Variants in NRXN3 observed in about 807,000 individuals in gnomAD.
NRXN3 encodes neurexin 3, also known as neurexin III.
In NRXN3, 32 loss-of-function variants were observed where a neutral mutation model predicts 137.6. The observed-to-expected ratio is 0.23, with a 90% CI of 0.18 to 0.31. The LOEUF is 0.31. Among genes scored for constraint, NRXN3 ranks in the 10% least tolerant of loss-of-function variants. The probability of loss-of-function intolerance (pLI) is 1.00; values close to 1 mark genes in which losing one functional copy is unlikely to be tolerated. For synonymous variants in NRXN3, 798 were observed against 784.5 expected, an observed-to-expected ratio of 1.02 and a Z score of -0.29; for missense variants, 1,574 against 2,062.5, an observed-to-expected ratio of 0.76 and a Z score of 4.59.
intron 4 of NRXN3, among the ~76,000 whole-genome samples, chr14:78,322,283 A>G (rs984836716): frequency 2.0e-5 from 3 of 151,998 alleles, no homozygotes; most frequent in Non-Finnish European, 4.4e-5. Context: ...AAAAGGGGCA[A>G]AGTGTACTAG....
intron 15 of NRXN3, among the ~76,000 whole-genome samples, chr14:79,186,378 A>G (rs962651731): frequency 1.3e-5 from 2 of 152,166 alleles, no homozygotes; most frequent in African/African-American, 4.8e-5. Context: ...TGTATATCCA[A>G]CGTGGCTAAC....
chr14:79,722,694 C>T (rs933346747), intron 19 of NRXN3, among the ~76,000 whole-genome samples: 17 of 152,158 alleles, frequency 1.1e-4, no homozygotes, highest in African/African-American at 4.1e-4. Flanking sequence ...CATTATCCTG[C>T]TATTAATTCT....
At position 79,220,927 on chromosome 14, in the gene NRXN3, C is replaced by T. The variant is rs542880797; in HGVS notation, c.3262+232786C>T. ...CTAGCCCCCATTCCCCAACAGGCCC[C>T]GGTGTGTGATGTTCCCCTCCCTGTG... On this transcript the variant is annotated intron_variant, in intron 15 of 20. Transcript: ENST00000335750. Among the ~76,000 whole-genome samples, 31 of 151,888 alleles carry T rather than the reference C, an allele frequency of 2.0e-4. No individual in the cohort carries two copies. In the East Asian group the frequency reaches 4.5e-3, roughly 22 times the overall value.
intron 4 of NRXN3, among the ~76,000 whole-genome samples, chr14:78,447,348 G>A (rs573215081): frequency 6.6e-6 from 1 of 152,326 alleles, no homozygotes; most frequent in East Asian, 1.9e-4. Flanking sequence ...CATTTTGACT[G>A]TATCGTTTTA....
intron 4 of NRXN3, among the ~76,000 whole-genome samples, chr14:78,329,324 A>G (rs2153567968): frequency 6.6e-6 from 1 of 152,244 alleles, no homozygotes; most frequent in East Asian, 1.9e-4. Context: ...CGAGGGCTTG[A>G]GGGGGAAGCT....
intron 19 of NRXN3, among the ~76,000 whole-genome samples, chr14:79,769,427 A>C (rs574540675): frequency 2.0e-5 from 3 of 152,166 alleles, no homozygotes; most frequent in Non-Finnish European, 2.9e-5. Flanking sequence ...CAGATCTCTC[A>C]GCAGAAACTC....
At chr14:78,717,544 T>A (rs1325567538) in intron 8 of NRXN3, among the ~76,000 whole-genome samples, 1 of 151,854 alleles carries the variant, frequency 6.6e-6, no homozygotes, top group Non-Finnish European at 1.5e-5. Context: ...AATGAATCAG[T>A]GGAGTGTAAA....
At chr14:79,300,759 C>T (rs937839348) in intron 15 of NRXN3, among the ~76,000 whole-genome samples, 6 of 152,000 alleles carry the variant, frequency 3.9e-5, no homozygotes, top group African/African-American at 1.2e-4. Flanking sequence ...AAATAGGTGA[C>T]GTGTCTTAGT....
intron 15 of NRXN3, among the ~76,000 whole-genome samples, chr14:79,327,318 C>G (rs1261523699): frequency 6.6e-6 from 1 of 152,124 alleles, no homozygotes; most frequent in African/African-American, 2.4e-5. Context: ...CTTGTAACCC[C>G]CTATAGATTC....
chr14:78,723,439 C>A (rs924814730), intron 8 of NRXN3, among the ~76,000 whole-genome samples: 6 of 152,198 alleles, frequency 3.9e-5, no homozygotes, highest in Non-Finnish European at 8.8e-5. Flanking sequence ...GCCATGGAAG[C>A]CTTTTGCTTC....
intron 4 of NRXN3, among the ~76,000 whole-genome samples, chr14:78,505,625 A>G (rs2095972923): frequency 6.6e-6 from 1 of 152,198 alleles, no homozygotes; most frequent in South Asian, 2.1e-4. Flanking sequence ...TATACGTGTC[A>G]AAAGATCACA....
intron 1 of NRXN3, among the ~76,000 whole-genome samples, chr14:78,203,470 A>G (rs942128950): frequency 6.6e-6 from 1 of 152,116 alleles, no homozygotes; most frequent in Admixed American, 6.5e-5. Flanking sequence ...CTCAGTTTCA[A>G]AACTGGGTGG....
intron 8 of NRXN3, among the ~76,000 whole-genome samples, chr14:78,735,082 T>C (rs1389003482): frequency 2.6e-5 from 4 of 152,112 alleles, no homozygotes; most frequent in South Asian, 2.1e-4. Context: ...GTGGACTAAA[T>C]TTGGACTAGG....
Position 79,240,413 on chromosome 14 carries a change from C to A in NRXN3, c.3263-226808C>A, listed in dbSNP as rs141699174. 3.5e-4 allele frequency among the ~76,000 whole-genome samples: 53 copies of A among 152,240 alleles called. No individual in the cohort carries two copies. The East Asian group carries it at 8.7e-3, about 25-fold the overall frequency. On this transcript the variant is annotated intron_variant, in intron 15 of 20. Transcript: ENST00000335750. ...TCGCTCACTAATTCACCCTGGAATA[C>A]TCTTATGTTAGTTTCCCTTATGGTC...
Position 78,173,374 on chromosome 14 carries a change from C to A in NRXN3, c.-704+2700C>A, listed in dbSNP as rs213562. Among the ~76,000 whole-genome samples, 245 of 152,078 alleles carry A rather than the reference C, an allele frequency of 1.6e-3. 3 individuals are homozygous for A. The highest frequency in any genetic ancestry group is 3.4e-3 in the Middle Eastern group (1 of 294). ...TCGTAATTAGCCCACTGCTGCAAAA[C>A]TGAGATACAGAAATCCATCGGCACC... On this transcript the variant is annotated intron_variant, in intron 1 of 20. Transcript: ENST00000335750.
At chr14:78,268,639 G>C (rs575912259) in intron 2 of NRXN3, among the ~76,000 whole-genome samples, 1 of 152,304 alleles carries the variant, frequency 6.6e-6, no homozygotes, top group East Asian at 1.9e-4. Flanking sequence ...CGAGTTTGGA[G>C]TCAGAGAAAT....
chr14:78,995,392 G>A (rs1293755394), intron 15 of NRXN3, among the ~76,000 whole-genome samples: 4 of 152,106 alleles, frequency 2.6e-5, no homozygotes, highest in African/African-American at 7.2e-5. Flanking sequence ...TCCAACATAT[G>A]TCATACAGCA....
At chr14:79,148,373 C>CT (rs982582535) in intron 15 of NRXN3, among the ~76,000 whole-genome samples, 10 of 152,144 alleles carry the variant, frequency 6.6e-5, no homozygotes, top group Non-Finnish European at 1.5e-4. Context: ...TGGGAAAGAA[C>CT]TTAGCTTGCT....
intron 15 of NRXN3, among the ~76,000 whole-genome samples, chr14:79,030,413 C>A (rs1236646543): frequency 6.6e-6 from 1 of 151,984 alleles, no homozygotes; most frequent in Non-Finnish European, 1.5e-5. Flanking sequence ...TCCTGCTGAC[C>A]CCCAGAACCC....
Sources: gnomAD v4.1 joint callset for allele counts (sites outside exome capture counted in the v4.1 genomes callset) on GRCh38, gnomAD v4.1.1 for gene constraint, MANE v1.5 for transcripts, NCBI Gene and HGNC (gene_info 2026-07-23, HGNC 2026-07-21) for gene names.